INPP4A: variants seen among roughly 807,000 people sequenced by gnomAD.
INPP4A encodes the protein inositol polyphosphate-4-phosphatase, type I, 107kD.
INPP4A carries 33 observed loss-of-function variants against 119.8 expected under a neutral mutation model. That is an observed-to-expected ratio of 0.28 (90% CI 0.21 to 0.37). The LOEUF is 0.37. Among genes scored for constraint, INPP4A ranks in the 10% least tolerant of loss-of-function variants. INPP4A has a pLI of 1.00. For missense variants in INPP4A, 956 were observed against 1,289.9 expected, an observed-to-expected ratio of 0.74 and a Z score of 3.97; for synonymous variants, 496 against 500.7, an observed-to-expected ratio of 0.99 and a Z score of 0.12.
At chr2:98,514,356 G>A (rs1004594494) in intron 1 of INPP4A, among the ~76,000 whole-genome samples, 10 of 152,060 alleles carry the variant, frequency 6.6e-5, no homozygotes, top group African/African-American at 2.2e-4. Flanking sequence ...TCTCTGGAGC[G>A]GTAAGAGTAT....
At chr2:98,500,333 G>A (rs1338308048) in intron 1 of INPP4A, among the ~76,000 whole-genome samples, 10 of 151,986 alleles carry the variant, frequency 6.6e-5, no homozygotes, top group African/African-American at 2.4e-4. Context: ...CACTGTTTGA[G>A]GGGGGAAAAT....
At position 98,545,975 on chromosome 2, in the gene INPP4A, C is replaced by T. The variant is rs751521973; in HGVS notation, c.956C>T (p.Ser319Leu). ...CTCCTATTCCATTTCTTAGGGCCCT[C>T]GTTTAAAGCAAGCAGTTTGAAAGCA... Reference protein sequence around the residue: ...LTDLHQYRGPSFKASSLKADK... With the variant: ...LTDLHQYRGPLFKASSLKADK... Residue 319 changes from serine (S) to leucine (L), a missense_variant, in exon 12 of 25, where the codon TCG becomes TTG. Ser to Leu is a moderately radical substitution (Grantham distance 145). This residue lies in a region of INPP4A where 652 missense variants were observed against 797.9 expected (regional missense o/e 0.82). Coordinates refer to ENST00000409851, the MANE Select transcript of INPP4A (RefSeq NM_001134225.2). 1.9e-5 allele frequency: 30 copies of T among 1,586,746 alleles called. No individual in the cohort carries two copies. The highest frequency in any genetic ancestry group is 9.1e-5 in the East Asian group (4 of 43,962).
At chr2:98,471,794 G>C (rs946346428) in intron 1 of INPP4A, among the ~76,000 whole-genome samples, 1 of 152,178 alleles carries the variant, frequency 6.6e-6, no homozygotes, top group African/African-American at 2.4e-5. Flanking sequence ...CCCCTGTTGG[G>C]GCTGAAGTCA....
At chr2:98,547,487 C>T (rs943111323) in intron 13 of INPP4A, among the ~76,000 whole-genome samples, 6 of 152,164 alleles carry the variant, frequency 3.9e-5, no homozygotes, top group African/African-American at 1.4e-4. Context: ...GTTAGATGTG[C>T]AGGAGGCATT....
chr2:98,452,140 C>CA (rs1433996545), intron 1 of INPP4A, among the ~76,000 whole-genome samples: 1 of 152,172 alleles, frequency 6.6e-6, no homozygotes, highest in Non-Finnish European at 1.5e-5. Flanking sequence ...GGGAAGGAGA[C>CA]AAAGCAGCTG....
chr2:98,484,290 C>T (rs986004719), intron 1 of INPP4A, among the ~76,000 whole-genome samples: 7 of 152,188 alleles, frequency 4.6e-5, no homozygotes, highest in Admixed American at 3.9e-4. Context: ...CCCTAGTTGC[C>T]CACAAGCCTT....
intron 1 of INPP4A, among the ~76,000 whole-genome samples, chr2:98,452,631 G>A (rs546813487): frequency 6.6e-5 from 10 of 152,260 alleles, no homozygotes; most frequent in South Asian, 4.1e-4. Flanking sequence ...TTTGCTCTCC[G>A]GAGTCCTTCC....
At chr2:98,516,923 A>G (rs1245721765) in intron 1 of INPP4A, among the ~76,000 whole-genome samples, 4 of 152,138 alleles carry the variant, frequency 2.6e-5, no homozygotes, top group South Asian at 4.2e-4. Context: ...TTAAAAACAC[A>G]TGATGCAGAA....
intron 11 of INPP4A, 73 bp downstream of exon 11, chr2:98,544,080 G>C: frequency 7.3e-7 from 1 of 1,372,240 alleles, no homozygotes; most frequent in Non-Finnish European, 9.9e-7. Flanking sequence ...CTCTCACTCA[G>C]TCACTCCCTC....
intron 1 of INPP4A, among the ~76,000 whole-genome samples, chr2:98,491,532 A>G (rs1680773543): frequency 6.6e-6 from 1 of 152,232 alleles, no homozygotes; most frequent in African/African-American, 2.4e-5. Flanking sequence ...CAAGTGAGGA[A>G]GGTGAGCCCA....
At chr2:98,495,106 G>A (rs963470365) in intron 1 of INPP4A, among the ~76,000 whole-genome samples, 33 of 152,166 alleles carry the variant, frequency 2.2e-4, no homozygotes, top group Non-Finnish European at 2.5e-4. Context: ...GGATAGAGGG[G>A]CTTGTAGTAT....
intron 5 of INPP4A, among the ~76,000 whole-genome samples, chr2:98,535,441 T>C (rs1690052224): frequency 6.6e-6 from 1 of 152,240 alleles, no homozygotes; most frequent in Non-Finnish European, 1.5e-5. Context: ...TTCCTCCTGT[T>C]GAGTGTGAAA....
chr2:98,540,398 G>C (rs1478675874), intron 10 of INPP4A, among the ~76,000 whole-genome samples: 5 of 152,180 alleles, frequency 3.3e-5, no homozygotes, highest in Non-Finnish European at 5.9e-5. Flanking sequence ...TCCCATAAGG[G>C]TCTTAACCCT....
rs1696498620 is a variant in INPP4A, at chr2:98,566,638, G to A, written c.2420+469G>A. ...GGGCACCAGGTTCCAGGCAGGGATTGGCAGGTAAGGGTAGACAGGCTCTGT... is the reference window on the plus strand; with the variant it reads ...GGGCACCAGGTTCCAGGCAGGGATTAGCAGGTAAGGGTAGACAGGCTCTGT... On this transcript the variant is annotated intron_variant, in intron 21 of 24. Transcript: ENST00000409851. The surrounding 1 kb of genome is among the most constrained non-coding windows in gnomAD (Gnocchi z 4.2). Among the ~76,000 whole-genome samples, 1 of 152,164 alleles carries A rather than the reference G, an allele frequency of 6.6e-6. No homozygotes were observed. Among genetic ancestry groups the A allele is most frequent in the Admixed American group, 6.5e-5 (1 of 15,280 alleles).
intron 1 of INPP4A, among the ~76,000 whole-genome samples, chr2:98,497,750 C>G (rs1374170438): frequency 6.6e-6 from 1 of 152,098 alleles, no homozygotes; most frequent in Non-Finnish European, 1.5e-5. Flanking sequence ...GCGCAACTGC[C>G]CAAGGCTGTG....
intron 24 of INPP4A, among the ~76,000 whole-genome samples, chr2:98,583,007 T>C (rs1278882439): frequency 3.3e-5 from 5 of 151,016 alleles, no homozygotes; most frequent in African/African-American, 1.2e-4. Flanking sequence ...ACCTACTGCA[T>C]ACGCCAGACA....
At chr2:98,574,332 C>T (rs1158154705) in intron 23 of INPP4A, among the ~76,000 whole-genome samples, 3 of 152,004 alleles carry the variant, frequency 2.0e-5, no homozygotes, top group Non-Finnish European at 4.4e-5. Flanking sequence ...GCCTTTCCCA[C>T]AGGACACGAA....
chr2:98,480,404 A>T (rs997893928), intron 1 of INPP4A, among the ~76,000 whole-genome samples: 1 of 152,202 alleles, frequency 6.6e-6, no homozygotes, highest in Non-Finnish European at 1.5e-5. Context: ...ATGCTCAGAG[A>T]GAGGTGGAGT....
At chr2:98,481,686 AG>A (rs373979551) in intron 1 of INPP4A, among the ~76,000 whole-genome samples, 133 of 152,288 alleles carry the variant, frequency 8.7e-4, no homozygotes, top group African/African-American at 3.1e-3. Context: ...GCTTTGTACC[AG>A]GGGAGAATTC....
Sources: allele counts gnomAD v4.1 joint callset (sites outside exome capture counted in the v4.1 genomes callset), GRCh38; gene constraint gnomAD v4.1.1; regional missense constraint gnomAD v4.1.1; non-coding constraint Gnocchi (gnomAD v3.1); transcripts MANE v1.5; gene names NCBI Gene and HGNC (gene_info 2026-07-23, HGNC 2026-07-21).